BRD10: variants seen among roughly 807,000 people sequenced by gnomAD.
BRD10 encodes the protein uncharacterized bromodomain-containing protein 10.
At chr9:5,931,604 CTCTT>C in the BRD10 span, among the ~76,000 whole-genome samples, 76 of 152,238 alleles carry the variant, frequency 5.0e-4, no homozygotes, top group Middle Eastern at 3.4e-3. Flanking sequence ...TGGCCTTCTT[CTCTT>C]TCTTTATGTA....
the BRD10 span, among the ~76,000 whole-genome samples, chr9:5,943,417 T>C: frequency 1.3e-5 from 2 of 152,104 alleles, no homozygotes; most frequent in African/African-American, 4.8e-5. Flanking sequence ...TTTAACAGAA[T>C]TGTTTAGAAC....
chr9:5,927,297 A>T, the BRD10 span, among the ~76,000 whole-genome samples: 105 of 152,304 alleles, frequency 6.9e-4, no homozygotes, highest in African/African-American at 2.5e-3. Context: ...TAACACCTCC[A>T]TTTAAATGCA....
chr9:5,957,278 A>G, the BRD10 span, among the ~76,000 whole-genome samples: 1 of 152,180 alleles, frequency 6.6e-6, no homozygotes, highest in Admixed American at 6.5e-5. Context: ...CTCATGTGTC[A>G]CACAGTAAGT....
At chr9:5,973,873 C>T in the BRD10 span, among the ~76,000 whole-genome samples, 6 of 152,072 alleles carry the variant, frequency 3.9e-5, no homozygotes, top group Admixed American at 3.3e-4. Context: ...CAGAGCAAGA[C>T]CCTGTCTCAA....
At chr9:5,891,517 T>C in the BRD10 span, among the ~76,000 whole-genome samples, 1 of 152,306 alleles carries the variant, frequency 6.6e-6, no homozygotes, top group South Asian at 2.1e-4. Flanking sequence ...CCTCTCCCTG[T>C]TGTTTTAAAC....
At chr9:5,961,654 G>A in the BRD10 span, among the ~76,000 whole-genome samples, 1 of 152,090 alleles carries the variant, frequency 6.6e-6, no homozygotes, top group Non-Finnish European at 1.5e-5. Context: ...TCAAGCATGA[G>A]ATAATGGACA....
chr9:5,996,962 C>T, the BRD10 span, among the ~76,000 whole-genome samples: 6 of 152,150 alleles, frequency 3.9e-5, no homozygotes, highest in African/African-American at 1.4e-4. Context: ...CTGCAAAGTA[C>T]GCAGGTAAAT....
At chr9:5,918,925 C>T in the BRD10 span, 1 of 152,420 alleles carries the variant, frequency 6.6e-6, no homozygotes, top group African/African-American at 2.4e-5. Context: ...AATTTCCCAC[C>T]CTTAATTCTT....
chr9:5,883,386 C>T, the BRD10 span, among the ~76,000 whole-genome samples: 13 of 151,788 alleles, frequency 8.6e-5, no homozygotes, highest in Non-Finnish European at 1.3e-4. Context: ...ATTCTGGTGG[C>T]AGCAACCTGG....
At chr9:5,925,176 C>T in the BRD10 span, among the ~76,000 whole-genome samples, 10 of 151,710 alleles carry the variant, frequency 6.6e-5, no homozygotes, top group Admixed American at 2.6e-4. Flanking sequence ...CTGGCCAACA[C>T]GGTGAAGCCC....
At chr9:5,996,890 C>A in the BRD10 span, among the ~76,000 whole-genome samples, 6 of 152,202 alleles carry the variant, frequency 3.9e-5, no homozygotes, top group Non-Finnish European at 4.4e-5. Flanking sequence ...CTCTAGGTCA[C>A]TAACTCTCAT....
At chr9:5,899,314 G>C in the BRD10 span, 5 of 152,202 alleles carry the variant, frequency 3.3e-5, no homozygotes, top group Non-Finnish European at 7.3e-5. Flanking sequence ...AGCTGATAAG[G>C]AGAAGGTGAG....
the BRD10 span, among the ~76,000 whole-genome samples, chr9:5,948,501 TA>T: frequency 1.9e-4 from 28 of 143,978 alleles, no homozygotes; most frequent in African/African-American, 2.0e-4. Flanking sequence ...CCTGTAGAGA[TA>T]AAAAAAAAAA....
the BRD10 span, among the ~76,000 whole-genome samples, chr9:5,995,549 T>C: frequency 1.3e-5 from 2 of 152,210 alleles, no homozygotes; most frequent in African/African-American, 2.4e-5. Flanking sequence ...CAATTCATCT[T>C]TCATTCACAT....
the BRD10 span, among the ~76,000 whole-genome samples, chr9:5,947,917 C>G: frequency 6.6e-6 from 1 of 152,114 alleles, no homozygotes; most frequent in Admixed American, 6.6e-5. Context: ...AAAAACGTAT[C>G]TGAGGCACAG....
chr9:5,940,519 A>G, the BRD10 span, among the ~76,000 whole-genome samples: 1 of 152,172 alleles, frequency 6.6e-6, no homozygotes, highest in African/African-American at 2.4e-5. Flanking sequence ...AAAACTTAAC[A>G]TTTCACAAAT....
chr9:5,935,068 C>G, the BRD10 span, among the ~76,000 whole-genome samples: 2 of 152,024 alleles, frequency 1.3e-5, no homozygotes, highest in African/African-American at 4.8e-5. Context: ...TACACAGTCC[C>G]TGAAAAAGTG....
chr9:5,916,753 A>C, the BRD10 span, among the ~76,000 whole-genome samples: 9 of 152,132 alleles, frequency 5.9e-5, no homozygotes, highest in Non-Finnish European at 1.3e-4. Flanking sequence ...CAAATGGCTT[A>C]ATTCTATACT....
chr9:5,977,946 G>T, the BRD10 span, among the ~76,000 whole-genome samples: 1 of 152,138 alleles, frequency 6.6e-6, no homozygotes, highest in African/African-American at 2.4e-5. Flanking sequence ...CAGTACTAAA[G>T]GCAGATAAAG....
Sources: gnomAD v4.1 joint callset for allele counts (sites outside exome capture counted in the v4.1 genomes callset) on GRCh38, gnomAD v4.1.1 for gene constraint, MANE v1.5 for transcripts, NCBI Gene and HGNC (gene_info 2026-07-23, HGNC 2026-07-21) for gene names.